BAIAP2: variants seen among roughly 807,000 people sequenced by gnomAD.
BAIAP2 encodes the protein BAR/IMD domain-containing adapter protein 2.
Under a neutral mutation model 63.0 loss-of-function variants are expected in BAIAP2, and 18 were observed. That is an observed-to-expected ratio of 0.29 (90% CI 0.20 to 0.42). The LOEUF is 0.42. Ranked by LOEUF, BAIAP2 falls within the 10% of genes least tolerant of loss-of-function variation. The probability of loss-of-function intolerance (pLI) is 1.00; values close to 1 mark genes in which losing one functional copy is unlikely to be tolerated. For missense variants in BAIAP2, 610 were observed against 734.3 expected, an observed-to-expected ratio of 0.83 and a Z score of 1.96; for synonymous variants, 386 against 307.6, an observed-to-expected ratio of 1.25 and a Z score of -2.67.
chr17:81,089,045 C>G (rs1322450776), intron 6 of BAIAP2, among the ~76,000 whole-genome samples: 1 of 152,286 alleles, frequency 6.6e-6, no homozygotes, highest in South Asian at 2.1e-4. Context: ...CACCTGGCCT[C>G]TGCCTGCCCT....
intron 3 of BAIAP2, among the ~76,000 whole-genome samples, chr17:81,080,066 G>GACAA (rs1473368737): frequency 6.6e-6 from 1 of 152,228 alleles, no homozygotes; most frequent in Non-Finnish European, 1.5e-5. Flanking sequence ...GGCAACCGCG[G>GACAA]ACAAGACTTA....
chr17:81,099,703 G>A (rs2058229495), intron 6 of BAIAP2, among the ~76,000 whole-genome samples: 1 of 152,048 alleles, frequency 6.6e-6, no homozygotes, highest in Non-Finnish European at 1.5e-5. Context: ...GGGCAGGGAA[G>A]CCTTCTGGGG....
At chr17:81,086,331 TG>T in intron 5 of BAIAP2, 111 bp from the exon 6 acceptor site, 1 of 1,320,898 alleles carries the variant, frequency 7.6e-7, no homozygotes, top group Non-Finnish European at 1.1e-6. Context: ...GTGGCAGGGC[TG>T]GCAAGGGGAC....
At position 81,115,901 on chromosome 17, in the gene BAIAP2, C is replaced by G. The variant is rs2060501030; in HGVS notation, c.*62C>G. ...CCCCGCCCTTCCCATGTAGCCTGTT[C>G]TGTCATCATCTGTGCGTTCCTGTGT... On this transcript the variant is annotated 3_prime_UTR_variant, in exon 14 of 14. Coordinates refer to ENST00000428708, the MANE Select transcript of BAIAP2 (RefSeq NM_001144888.2). 6.2e-7 allele frequency: 1 copy of G among 1,601,106 alleles called. No individual in the cohort carries two copies. The highest frequency in any genetic ancestry group is 8.5e-7 in the Non-Finnish European group (1 of 1,174,172).
intron 6 of BAIAP2, chr17:81,086,960 C>T: frequency 5.1e-6 from 1 of 195,064 alleles, no homozygotes; most frequent in Admixed American, 5.4e-5. Context: ...GAAGGTGGTA[C>T]TTCAGGTTCC....
At chr17:81,059,846 G>A (rs1386953771) in intron 3 of BAIAP2, among the ~76,000 whole-genome samples, 2 of 152,150 alleles carry the variant, frequency 1.3e-5, no homozygotes, top group African/African-American at 4.8e-5. Context: ...GGGTCTGCCC[G>A]TGGGGAACTC....
intron 3 of BAIAP2, among the ~76,000 whole-genome samples, chr17:81,062,372 T>C (rs2050713657): frequency 6.6e-6 from 1 of 152,136 alleles, no homozygotes; most frequent in Non-Finnish European, 1.5e-5. Flanking sequence ...TTATTATGAC[T>C]CTGTGGTATT....
At position 81,071,870 on chromosome 17, in the gene BAIAP2, C is replaced by T. The variant is rs191862000; in HGVS notation, c.218-12962C>T. Among the ~76,000 whole-genome samples the T allele has an allele frequency of 2.7e-4, 41 of 152,380 alleles. No individual in the cohort carries two copies. In the East Asian group the frequency reaches 7.9e-3, roughly 29 times the overall value. Reference sequence around the variant, plus strand: ...TAGGGCCTTGTGGGTGGCCGGTCCCCTCCTCCAGCGTGGCACGGAGGCGCC... The same window carrying T: ...TAGGGCCTTGTGGGTGGCCGGTCCCTTCCTCCAGCGTGGCACGGAGGCGCC... On this transcript the variant is annotated intron_variant, in intron 3 of 13. Coordinates refer to ENST00000428708, the MANE Select transcript of BAIAP2 (RefSeq NM_001144888.2).
chr17:81,106,814 C>G lies in BAIAP2; in HGVS notation c.1407C>G (p.Pro469=), dbSNP rs200377602. 1.3e-5 allele frequency: 21 copies of G among 1,612,306 alleles called. No individual in the cohort carries two copies. Among genetic ancestry groups the G allele is most frequent in the Non-Finnish European group, 1.8e-5 (21 of 1,179,664 alleles). ...AGGACGACCTGGCCATCCCACCCCC[C>G]GATTACGGCGCCGCCTCCCGGGCCT... ...LDKDDLAIPP[P]DYGAASRAFP... Residue 469 remains proline, a synonymous_variant, in exon 12 of 14, where the codon CCC becomes CCG. Transcript: ENST00000428708.
intron 3 of BAIAP2, among the ~76,000 whole-genome samples, chr17:81,067,112 G>A (rs1451369560): frequency 2.6e-5 from 4 of 152,214 alleles, no homozygotes; most frequent in Non-Finnish European, 5.9e-5. Flanking sequence ...GCCCAGCCTG[G>A]GGGCTTCCCT....
chr17:81,079,004 G>A (rs1598668276), intron 3 of BAIAP2, among the ~76,000 whole-genome samples: 1 of 152,166 alleles, frequency 6.6e-6, no homozygotes, highest in Non-Finnish European at 1.5e-5. Context: ...AGAGATGGAG[G>A]GCAGTTGTGG....
chr17:81,098,512 C>T (rs549739999), intron 6 of BAIAP2, among the ~76,000 whole-genome samples: 1 of 152,246 alleles, frequency 6.6e-6, no homozygotes, highest in East Asian at 1.9e-4. Flanking sequence ...GGCATTAGCG[C>T]ATTCATGGGG....
intron 12 of BAIAP2, chr17:81,107,285 T>G: frequency 4.8e-5 from 10 of 207,712 alleles, no homozygotes; most frequent in African/African-American, 4.6e-5. Flanking sequence ...GCAGGATCTC[T>G]TCCGTGAGAA....
chr17:81,115,974 G>A lies in BAIAP2; in HGVS notation c.*135G>A. On this transcript the variant is annotated 3_prime_UTR_variant, in exon 14 of 14. Transcript: ENST00000428708. ...GCCTGGTCTTGCCCCACTTGAGTCT[G>A]GCCTGGACTGGATCCCAGCTGTTCT... 6.7e-7 allele frequency: 1 copy of A among 1,500,168 alleles called. No homozygotes were observed. Among genetic ancestry groups the A allele is most frequent in the Non-Finnish European group, 8.9e-7 (1 of 1,125,134 alleles). The allele number at this position is 1,500,168 out of a possible 1,614,324, so 92.9% of individuals were successfully genotyped here. A position where few individuals can be genotyped will look rare whatever the true frequency, so the allele number is the denominator to read the frequency against.
chr17:81,059,222 C>T (rs963177369), intron 3 of BAIAP2, among the ~76,000 whole-genome samples: 1 of 152,210 alleles, frequency 6.6e-6, no homozygotes, highest in African/African-American at 2.4e-5. Flanking sequence ...TTTCTCGAGG[C>T]ACCGCTGTGC....
chr17:81,109,224 T>C (rs1297151006), intron 13 of BAIAP2: 2 of 1,377,040 alleles, frequency 1.5e-6, no homozygotes, highest in Non-Finnish European at 1.9e-6. Context: ...ATCCTGTGTG[T>C]CCCAGCCTTT....
chr17:81,113,114 A>G (rs1055420287), intron 13 of BAIAP2, among the ~76,000 whole-genome samples: 2 of 152,214 alleles, frequency 1.3e-5, no homozygotes, highest in Non-Finnish European at 2.9e-5. Context: ...GGCCTTGCTT[A>G]GGGGCCTCTG....
At chr17:81,078,222 A>G in intron 3 of BAIAP2, among the ~76,000 whole-genome samples, 1 of 111,754 alleles carries the variant, frequency 8.9e-6, no homozygotes. Context: ...TCCACCTCGG[A>G]GCTGGGTGCT....
chr17:81,074,270 G>A (rs951403076), intron 3 of BAIAP2, among the ~76,000 whole-genome samples: 2 of 152,236 alleles, frequency 1.3e-5, no homozygotes, highest in Non-Finnish European at 2.9e-5. Context: ...TGAAAAAAGT[G>A]CCTGTGTGTC....
Sources: allele counts gnomAD v4.1 joint callset (sites outside exome capture counted in the v4.1 genomes callset), GRCh38; gene constraint gnomAD v4.1.1; transcripts MANE v1.5; gene names NCBI Gene and HGNC (gene_info 2026-07-23, HGNC 2026-07-21).